The following CALN1 variants were observed in gnomAD, a reference collection of about 807,000 sequenced individuals.
CALN1 encodes the protein calcium-binding protein 8.
CALN1 carries 17 observed loss-of-function variants against 30.6 expected under a neutral mutation model. The ratio of observed to expected loss-of-function variants is 0.56; its 90% CI spans 0.38 to 0.83. The LOEUF is 0.83. Ranked by LOEUF, CALN1 falls within the 40% of genes least tolerant of loss-of-function variation. CALN1 has a pLI of 0.00. For synonymous variants in CALN1, 156 were observed against 131.4 expected (o/e 1.19, Z -1.28); for missense variants, 291 against 354.9 (o/e 0.82, Z 1.45).
chr7:72,133,995 G>A (rs911127014), intron 3 of CALN1, among the ~76,000 whole-genome samples: 1 of 152,206 alleles, frequency 6.6e-6, no homozygotes, highest in African/African-American at 2.4e-5. Flanking sequence ...AATCCCCATT[G>A]TGGTGGCATT....
intron 5 of CALN1, among the ~76,000 whole-genome samples, chr7:71,836,842 T>C (rs1469206567): frequency 6.6e-6 from 1 of 151,500 alleles, no homozygotes; most frequent in African/African-American, 2.4e-5. Context: ...GGTCTCAAAC[T>C]CCCAACCTCA....
intron 5 of CALN1, among the ~76,000 whole-genome samples, chr7:72,020,129 A>G (rs1310178724): frequency 6.6e-6 from 1 of 152,128 alleles, no homozygotes; most frequent in East Asian, 1.9e-4. Flanking sequence ...GCACAATCAC[A>G]GCTCACTGCA....
chr7:71,882,275 C>T (rs1039615316), intron 5 of CALN1, among the ~76,000 whole-genome samples: 13 of 152,204 alleles, frequency 8.5e-5, no homozygotes, highest in Admixed American at 3.3e-4. Flanking sequence ...TTTGTTCTCA[C>T]GTCTTCTCTC....
chr7:72,417,683 A>G (rs974303072), intron 1 of CALN1, among the ~76,000 whole-genome samples: 1 of 152,216 alleles, frequency 6.6e-6, no homozygotes, highest in Admixed American at 6.5e-5. Flanking sequence ...AATGCTTATA[A>G]TTCTTGGCGG....
chr7:71,839,045 A>G (rs1789782434), intron 5 of CALN1, among the ~76,000 whole-genome samples: 1 of 152,096 alleles, frequency 6.6e-6, no homozygotes, highest in Non-Finnish European at 1.5e-5. Flanking sequence ...CCTGGCATCA[A>G]GCAATCTTCC....
chr7:72,445,003 C>T (rs936886628), intron 1 of CALN1, among the ~76,000 whole-genome samples: 3 of 151,514 alleles, frequency 2.0e-5, no homozygotes, highest in Non-Finnish European at 4.4e-5. Context: ...TCTAAACAAA[C>T]TCCACTGGGA....
chr7:71,967,639 A>AAAAAAAAAG (rs555970609), intron 5 of CALN1, among the ~76,000 whole-genome samples: 6 of 142,648 alleles, frequency 4.2e-5, no homozygotes, highest in Non-Finnish European at 6.0e-5. Flanking sequence ...AAAAAAAAAA[A>AAAAAAAAAG]AAAGAAAGAA....
chr7:72,108,324 CAA>C (rs1454484764), intron 3 of CALN1, among the ~76,000 whole-genome samples: 2 of 152,234 alleles, frequency 1.3e-5, no homozygotes, highest in African/African-American at 4.8e-5. Context: ...ATCACATCTT[CAA>C]AGACTTTTCT....
intron 1 of CALN1, among the ~76,000 whole-genome samples, chr7:72,420,068 C>T (rs1217794684): frequency 1.3e-5 from 2 of 152,258 alleles, no homozygotes; most frequent in African/African-American, 2.4e-5. Flanking sequence ...TTCACGGAGC[C>T]GTTAACACTT....
intron 4 of CALN1, among the ~76,000 whole-genome samples, chr7:72,077,283 A>AT (rs1230053991): frequency 6.6e-6 from 1 of 151,998 alleles, no homozygotes; most frequent in Non-Finnish European, 1.5e-5. Context: ...ATTTTATTTT[A>AT]TTTATTTTGA....
At chr7:72,256,537 A>G (rs980809819) in intron 3 of CALN1, among the ~76,000 whole-genome samples, 8 of 152,194 alleles carry the variant, frequency 5.3e-5, no homozygotes, top group African/African-American at 1.9e-4. Context: ...GGATTCACAG[A>G]TAAGACTTGG....
chr7:72,143,492 C>T (rs979221155), intron 3 of CALN1, among the ~76,000 whole-genome samples: 35 of 151,916 alleles, frequency 2.3e-4, no homozygotes, highest in Non-Finnish European at 4.1e-4. Context: ...ACCAAATCTA[C>T]GACTGATTGG....
At chr7:72,439,154 C>A (rs745547568) in intron 1 of CALN1, among the ~76,000 whole-genome samples, 1 of 152,102 alleles carries the variant, frequency 6.6e-6, no homozygotes, top group Non-Finnish European at 1.5e-5. Flanking sequence ...CCTTAGCCTC[C>A]CGAGTAGCTG....
At chr7:71,792,982 T>C (rs1786663653) in intron 6 of CALN1, among the ~76,000 whole-genome samples, 1 of 151,960 alleles carries the variant, frequency 6.6e-6, no homozygotes, top group Admixed American at 6.6e-5. Context: ...AGCAATCGCC[T>C]GGAGAATTCA....
rs560060022 is a variant in CALN1, at chr7:72,016,797, A to G, written c.501+6860T>C. Among the ~76,000 whole-genome samples the G allele has an allele frequency of 4.6e-5, 7 of 151,458 alleles. 1 individual carries two copies. In the South Asian group the frequency reaches 1.5e-3, roughly 32 times the overall value. ...ACCAGCTTATAAAATGTCCCAGACA[A>G]AAGCCTGGGCCTGGGCTGGGAAGAA... On this transcript the variant is annotated intron_variant, in intron 5 of 6. Coordinates refer to ENST00000395275, the MANE Select transcript of CALN1 (RefSeq NM_031468.4).
chr7:72,384,645 AG>A (rs1293885646), intron 2 of CALN1, among the ~76,000 whole-genome samples: 13 of 152,068 alleles, frequency 8.5e-5, no homozygotes, highest in African/African-American at 3.1e-4. Flanking sequence ...CCCCGTCTCA[AG>A]AAAAAAAAAA....
At chr7:72,103,502 G>C (rs73371720) in intron 4 of CALN1, among the ~76,000 whole-genome samples, 1 of 152,074 alleles carries the variant, frequency 6.6e-6, no homozygotes, top group Non-Finnish European at 1.5e-5. Flanking sequence ...TCTACTTATG[G>C]GGCTACTTTG....
chr7:72,319,918 C>T (rs1018693137), intron 2 of CALN1, among the ~76,000 whole-genome samples: 6 of 151,986 alleles, frequency 3.9e-5, no homozygotes, highest in Admixed American at 1.3e-4. Flanking sequence ...ACTATTCGGG[C>T]GATGGTTACA....
intron 1 of CALN1, among the ~76,000 whole-genome samples, chr7:72,429,122 G>A (rs896275856): frequency 6.6e-6 from 1 of 152,160 alleles, no homozygotes; most frequent in Admixed American, 6.5e-5. Flanking sequence ...GAAGTCCAGG[G>A]TAGAATGCAA....
Sources: allele counts gnomAD v4.1 joint callset (sites outside exome capture counted in the v4.1 genomes callset), GRCh38; gene constraint gnomAD v4.1.1; transcripts MANE v1.5; gene names NCBI Gene and HGNC (gene_info 2026-07-23, HGNC 2026-07-21).